ST14: variants seen among roughly 807,000 people sequenced by gnomAD.
ST14 encodes suppressor of tumorigenicity 14 protein.
A neutral mutation model predicts 96.5 loss-of-function variants in ST14; 40 were observed. The observed-to-expected ratio is 0.41, with a 90% CI of 0.32 to 0.54. The LOEUF is 0.54. Ranked by LOEUF, ST14 falls within the 20% of genes least tolerant of loss-of-function variation. ST14 has a pLI of 0.17. For synonymous variants in ST14, 506 were observed against 492.1 expected, an observed-to-expected ratio of 1.03 and a Z score of -0.37; for missense variants, 1,066 against 1,188.9, an observed-to-expected ratio of 0.90 and a Z score of 1.52.
chr11:130,193,667 A>G (rs1233267043), intron 7 of ST14, among the ~76,000 whole-genome samples: 1 of 151,560 alleles, frequency 6.6e-6, no homozygotes, highest in African/African-American at 2.4e-5. Context: ...ATGGGATTTC[A>G]CCATGTTGGC....
rs1443423970 is a variant in ST14 at position 130,196,438 on chromosome 11, A to G, written c.1213A>G (p.Asn405Asp). The G allele has an allele frequency of 6.2e-7, 1 of 1,608,598 alleles. No individual in the cohort carries two copies. The highest frequency in any genetic ancestry group is 1.7e-5 in the Admixed American group (1 of 59,194). ...GTCPKDYVEI[N>D]GEKYCGERSQ... ...CTGCCCCAAGGACTACGTGGAGATCAACGGGGAGAAGTGAGTCCCCGGGGG... is the reference window on the plus strand; with the variant it reads ...CTGCCCCAAGGACTACGTGGAGATCGACGGGGAGAAGTGAGTCCCCGGGGG... Residue 405 changes from asparagine (N) to aspartate (D), a missense_variant, in exon 10 of 19, where the codon AAC becomes GAC. By Grantham distance (23) the Asn-to-Asp change is conservative (BLOSUM62 1). Coordinates refer to ENST00000278742, the MANE Select transcript of ST14 (RefSeq NM_021978.4).
chr11:130,204,981 G>A (rs1161603864), intron 16 of ST14, among the ~76,000 whole-genome samples: 1 of 152,166 alleles, frequency 6.6e-6, no homozygotes, highest in East Asian at 1.9e-4. Context: ...CCTGAGAGGT[G>A]AGGGAAAATG....
rs760205774 is a variant in ST14, at chr11:130,188,852, T to G, written c.370-17T>G. 6 of 1,611,746 alleles carry G rather than the reference T, an allele frequency of 3.7e-6. No individual in the cohort carries two copies. Among genetic ancestry groups the G allele is most frequent in the Non-Finnish European group, 4.2e-6 (5 of 1,179,206 alleles). Reference sequence around the variant, plus strand: ...ATCGCCGCATGGGGCTCACCTTGAGTCTCTGCCCTTCCTCAGCTGAAGCTG... The same window carrying G: ...ATCGCCGCATGGGGCTCACCTTGAGGCTCTGCCCTTCCTCAGCTGAAGCTG... On this transcript the variant is annotated splice_polypyrimidine_tract_variant and intron_variant, in intron 3 of 18. Transcript: ENST00000278742. This position sits in a 1 kb window ranked among gnomAD's most constrained non-coding sequence, Gnocchi z 5.4.
At chr11:130,169,006 G>C (rs959038512) in intron 1 of ST14, among the ~76,000 whole-genome samples, 21 of 147,870 alleles carry the variant, frequency 1.4e-4, no homozygotes, top group African/African-American at 5.4e-4. Flanking sequence ...GCAACAACTT[G>C]AAAGACCTCC....
rs763783183 is a variant in ST14 at position 130,209,839 on chromosome 11, A to C, written c.*16A>C. 1 of 1,612,418 alleles carries C rather than the reference A, an allele frequency of 6.2e-7. No homozygotes were observed. Among genetic ancestry groups the C allele is most frequent in the East Asian group, 2.2e-5 (1 of 44,646 alleles). On this transcript the variant is annotated 3_prime_UTR_variant, in exon 19 of 19. Transcript: ENST00000278742. Reference sequence around the variant, plus strand: ...TGGGGTATAGGGGCCGGGGCCACCCAAATGTGTACACCTGCGGGGCCACCC... The same window carrying C: ...TGGGGTATAGGGGCCGGGGCCACCCCAATGTGTACACCTGCGGGGCCACCC...
rs756829963 is a variant in ST14, at chr11:130,199,956, G to A, written c.1813G>A (p.Gly605Arg). 7 of 1,614,094 alleles carry A rather than the reference G, an allele frequency of 4.3e-6. No homozygotes were observed. Among genetic ancestry groups the A allele is most frequent in the African/African-American group, 1.3e-5 (1 of 74,964 alleles). Reference sequence around the variant, plus strand: ...GTTCTCTGCTCCCTCTGCAGACTGTGGGCTGCGGTCATTCACGAGACAGGC... The same window carrying A: ...GTTCTCTGCTCCCTCTGCAGACTGTAGGCTGCGGTCATTCACGAGACAGGC... ...DGSDEKDCDCGLRSFTRQARV... is the reference protein window; with the variant it reads ...DGSDEKDCDCRLRSFTRQARV... The change falls in exon 16 of 19, where the codon GGG becomes AGG. Residue 605 changes from glycine to arginine, a missense_variant. Coordinates refer to ENST00000278742, the MANE Select transcript of ST14 (RefSeq NM_021978.4).
chr11:130,204,869 G>A (rs1308335775), intron 16 of ST14, among the ~76,000 whole-genome samples: 1 of 152,068 alleles, frequency 6.6e-6, no homozygotes, highest in Non-Finnish European at 1.5e-5. Context: ...AGTGGACCAG[G>A]GCTCGGGTGG....
chr11:130,170,646 GT>G lies in ST14; in HGVS notation c.81+10588del, dbSNP rs1185167873. 1.1e-4 allele frequency among the ~76,000 whole-genome samples: 17 copies of G among 151,906 alleles called. No individual in the cohort carries two copies. In the East Asian group the frequency reaches 3.3e-3, roughly 30 times the overall value. On this transcript the variant is annotated intron_variant, in intron 1 of 18. Transcript: ENST00000278742. ...CCAGCCATTCCGAGCAGGCAGATGG[GT>G]TCCTAACCGAGAGGTTAGGAACCTC...
At chr11:130,205,493 C>T (rs150283197) in intron 16 of ST14, among the ~76,000 whole-genome samples, 4 of 152,286 alleles carry the variant, frequency 2.6e-5, no homozygotes, top group Non-Finnish European at 2.9e-5. Flanking sequence ...TTTGCTTTCT[C>T]TCTGTTTGCA....
Position 130,194,852 on chromosome 11 carries a change from A to ATGTGTG in ST14, c.1113+134_1113+139dup, listed in dbSNP as rs58417767. ...TGTGCATGTGTTTGCATATGTGTGC[A>ATGTGTG]TGTGTGTGTGTGTGTGTGTGTGTGC... is the stretch of plus-strand genomic sequence containing the variant. On this transcript the variant is annotated intron_variant, in intron 9 of 18. Coordinates refer to ENST00000278742, the MANE Select transcript of ST14 (RefSeq NM_021978.4). 5 of 783,582 alleles carry ATGTGTG rather than the reference A, an allele frequency of 6.4e-6. No individual in the cohort carries two copies. The African/African-American group carries it at 8.8e-5, about 14-fold the overall frequency. 48.5% of individuals were successfully genotyped at this position (783,582 alleles called of 1,614,324 possible).
At position 130,208,704 on chromosome 11, in the gene ST14, A is replaced by T; in HGVS notation, c.2269+20A>T. ...ATGGAGGTAAGCTTCGGGCTGACCT[A>T]GGGCTCCGCAGAGGGCCTGGGGCCT... On this transcript the variant is annotated intron_variant, in intron 17 of 18. Coordinates refer to ENST00000278742, the MANE Select transcript of ST14 (RefSeq NM_021978.4). 1 of 1,606,612 alleles carries T rather than the reference A, an allele frequency of 6.2e-7. No homozygotes were observed. The highest frequency in any genetic ancestry group is 8.5e-7 in the Non-Finnish European group (1 of 1,175,542).
chr11:130,188,967 A>G lies in ST14; in HGVS notation c.440+28A>G. The G allele has an allele frequency of 1.3e-6, 2 of 1,597,030 alleles. No homozygotes were observed. Among genetic ancestry groups the G allele is most frequent in the Non-Finnish European group, 1.7e-6 (2 of 1,171,970 alleles). On this transcript the variant is annotated intron_variant, in intron 4 of 18. Coordinates refer to ENST00000278742, the MANE Select transcript of ST14 (RefSeq NM_021978.4). The surrounding 1 kb of genome is among the most constrained non-coding windows in gnomAD (Gnocchi z 5.4). The stretch of plus-strand genomic sequence containing the variant: ...GGGTGTGGAGAGAAGGCTCAGTGGG[A>G]TGCACCCCAGACTGGCTGGGAGTAG...
chr11:130,164,718 C>CTTA (rs57338069), intron 1 of ST14, among the ~76,000 whole-genome samples: 14,272 of 141,452 alleles, frequency 0.1, 799 homozygotes, highest in African/African-American at 0.15. Flanking sequence ...CACACCCAGC[C>CTTA]TTATTATTAT....
At chr11:130,183,513 C>T (rs987333681) in intron 1 of ST14, among the ~76,000 whole-genome samples, 10 of 149,606 alleles carry the variant, frequency 6.7e-5, no homozygotes, top group African/African-American at 2.2e-4. Flanking sequence ...TCAAGACCAG[C>T]CTGGGCAACA....
intron 16 of ST14, among the ~76,000 whole-genome samples, chr11:130,205,665 C>A (rs1055796577): frequency 6.6e-6 from 1 of 150,750 alleles, no homozygotes; most frequent in African/African-American, 2.4e-5. Context: ...TCATAAATGT[C>A]CTCCAATCAT....
At chr11:130,177,694 C>T (rs1259793424) in intron 1 of ST14, among the ~76,000 whole-genome samples, 1 of 152,262 alleles carries the variant, frequency 6.6e-6, no homozygotes, top group Non-Finnish European at 1.5e-5. Context: ...CTTGGAGCTA[C>T]AGGACCTGGG....
chr11:130,197,782 G>A, intron 11 of ST14, 59 bp from the exon 12 acceptor site: 2 of 1,429,688 alleles, frequency 1.4e-6, no homozygotes, highest in Non-Finnish European at 1.9e-6. Context: ...GAGGGAGCCG[G>A]GAGCCAGCGG....
chr11:130,198,468 G>A (rs775165945), intron 13 of ST14, 40 bp from the exon 14 acceptor site: 27 of 1,613,096 alleles, frequency 1.7e-5, no homozygotes, highest in Middle Eastern at 1.6e-4. Flanking sequence ...CGGGGCGACT[G>A]ACGGTGGCTC....
intron 16 of ST14, among the ~76,000 whole-genome samples, chr11:130,207,232 AG>A: frequency 6.6e-6 from 1 of 152,308 alleles, no homozygotes; most frequent in East Asian, 1.9e-4. Flanking sequence ...TGCTGGAGAC[AG>A]TATTGGTTTT....
Sources: allele counts gnomAD v4.1 joint callset (sites outside exome capture counted in the v4.1 genomes callset), GRCh38; gene constraint gnomAD v4.1.1; non-coding constraint Gnocchi (gnomAD v3.1); transcripts MANE v1.5; gene names NCBI Gene and HGNC (gene_info 2026-07-23, HGNC 2026-07-21).